The following ATP5F1C variants were observed in gnomAD, a reference collection of about 807,000 sequenced individuals.
ATP5F1C encodes ATP synthase F(1) complex subunit gamma, mitochondrial.
Under a neutral mutation model 37.4 loss-of-function variants are expected in ATP5F1C, and 22 were observed. The observed-to-expected ratio is 0.59, with a 90% CI of 0.42 to 0.84. The LOEUF (loss-of-function observed/expected upper bound fraction) is 0.84, where lower values mean the gene tolerates loss of function less well. Among genes scored for constraint, ATP5F1C ranks in the 40% least tolerant of loss-of-function variants. The probability of loss-of-function intolerance (pLI) is 0.00; values close to 1 mark genes in which losing one functional copy is unlikely to be tolerated. For synonymous variants in ATP5F1C, 121 were observed against 128.0 expected, an observed-to-expected ratio of 0.95 and a Z score of 0.37; for missense variants, 286 against 362.4, an observed-to-expected ratio of 0.79 and a Z score of 1.71.
chr10:7,789,522 T>C (rs1836123922), intron 1 of ATP5F1C, among the ~76,000 whole-genome samples: 1 of 152,160 alleles, frequency 6.6e-6, no homozygotes, highest in Admixed American at 6.5e-5. Context: ...TTGTATAGAT[T>C]GTCCCACTTG....
In ATP5F1C at chr10:7,807,568, A is replaced by G. The variant is rs565075422; in HGVS notation, c.*31-91A>G. On this transcript the variant is annotated intron_variant, in intron 9 of 9. Coordinates refer to ENST00000356708, the MANE Select transcript of ATP5F1C (RefSeq NM_001001973.3). ...TTATTGTGTAAATTCAGTTCTCTGT[A>G]CCCCACTTAAATATGTATTATTATC... 6.3e-6 allele frequency: 9 copies of G among 1,432,104 alleles called. No individual in the cohort carries two copies. The South Asian group carries it at 1.2e-4, about 19-fold the overall frequency. The allele number at this position is 1,432,104 out of a possible 1,614,324, so 88.7% of individuals were successfully genotyped here. A position where few individuals can be genotyped will look rare whatever the true frequency, so the allele number is the denominator to read the frequency against.
chr10:7,792,200 A>C (rs1836174369), intron 1 of ATP5F1C, among the ~76,000 whole-genome samples: 1 of 152,212 alleles, frequency 6.6e-6, no homozygotes, highest in South Asian at 2.1e-4. Flanking sequence ...GTGCTCTGAA[A>C]TAACAGAGCT....
chr10:7,796,230 A>G (rs1281261686), intron 2 of ATP5F1C, 75 bp downstream of exon 2: 1 of 1,316,758 alleles, frequency 7.6e-7, no homozygotes, highest in African/African-American at 1.5e-5. Flanking sequence ...TTTCAAAAAT[A>G]TACTGCTTTA....
chr10:7,791,394 C>T (rs909858784), intron 1 of ATP5F1C, among the ~76,000 whole-genome samples: 6 of 152,084 alleles, frequency 3.9e-5, no homozygotes, highest in East Asian at 1.9e-4. Context: ...GACTTTTACA[C>T]GCTTAATATC....
At chr10:7,801,250 C>T (rs1158954120) in intron 6 of ATP5F1C, among the ~76,000 whole-genome samples, 1 of 152,166 alleles carries the variant, frequency 6.6e-6, no homozygotes, top group Non-Finnish European at 1.5e-5. Context: ...TGAGATGGCT[C>T]TACCAGCCAA....
At position 7,791,308 on chromosome 10, in the gene ATP5F1C, A is replaced by C. The variant is rs2151012; in HGVS notation, c.56+3045A>C. On this transcript the variant is annotated intron_variant, in intron 1 of 9. Coordinates refer to ENST00000356708, the MANE Select transcript of ATP5F1C (RefSeq NM_001001973.3). ...AGTGAGACTCCATCTCAAAAACAAA[A>C]AAAAAAAGATGATGCAGTCATGGGT... Among the ~76,000 whole-genome samples the C allele has an allele frequency of 5.5e-3, 843 of 152,192 alleles. 8 individuals are homozygous for C. Among genetic ancestry groups the C allele is most frequent in the South Asian group, 0.024 (114 of 4,824 alleles).
chr10:7,788,816 A>G (rs1368251469), intron 1 of ATP5F1C, among the ~76,000 whole-genome samples: 2 of 151,804 alleles, frequency 1.3e-5, no homozygotes, highest in Admixed American at 1.3e-4. Flanking sequence ...GCAACAGCAA[A>G]GGCGAACATC....
intron 1 of ATP5F1C, among the ~76,000 whole-genome samples, chr10:7,790,540 A>G (rs1465303094): frequency 6.6e-6 from 1 of 152,258 alleles, no homozygotes; most frequent in Admixed American, 6.5e-5. Context: ...ATAACGTGTC[A>G]GTAGTCATAA....
At chr10:7,797,241 G>T in intron 3 of ATP5F1C, 63 bp downstream of exon 3, 1 of 1,586,004 alleles carries the variant, frequency 6.3e-7, no homozygotes, top group South Asian at 1.1e-5. Flanking sequence ...GACTACTGAT[G>T]ACTTACATTT....
chr10:7,800,179 G>T (rs1836328777), intron 6 of ATP5F1C, 88 bp downstream of exon 6: 2 of 1,299,666 alleles, frequency 1.5e-6, no homozygotes, highest in Admixed American at 3.6e-5. Flanking sequence ...GATATCTGGT[G>T]GTAGCTATAG....
chr10:7,790,789 C>G (rs1452807067), intron 1 of ATP5F1C, among the ~76,000 whole-genome samples: 2 of 152,100 alleles, frequency 1.3e-5, no homozygotes, highest in Non-Finnish European at 2.9e-5. Flanking sequence ...AGTGTCTGTC[C>G]CACCAGTTCC....
At chr10:7,797,300 T>A (rs1836259443) in intron 3 of ATP5F1C, 122 bp downstream of exon 3, 1 of 1,266,582 alleles carries the variant, frequency 7.9e-7, no homozygotes, top group African/African-American at 1.5e-5. Context: ...CATGTACTTA[T>A]TTTTCATCTA....
At chr10:7,796,391 T>A in intron 2 of ATP5F1C, 1 of 352,916 alleles carries the variant, frequency 2.8e-6, no homozygotes, top group Non-Finnish European at 5.2e-6. Context: ...CTAGAAAAAA[T>A]TATACCAGTG....
chr10:7,802,310 G>A lies in ATP5F1C; in HGVS notation c.678G>A (p.Leu226=), dbSNP rs758973065. The A allele has an allele frequency of 1.9e-6, 3 of 1,613,806 alleles. No homozygotes were observed. The highest frequency in any genetic ancestry group is 1.3e-5 in the African/African-American group (1 of 75,044). Residue 226 remains leucine (L), a synonymous_variant, in exon 7 of 10, where the codon CTG becomes CTA. Transcript: ENST00000356708. ...ATGACGATATTGATGCTGACGTGCT[G>A]CAAAATTACCAAGAATACAATCTGG... ...SIYDDIDADV[L]QNYQEYNLAN... is the part of the protein sequence containing the mutation.
Position 7,799,782 on chromosome 10 carries a change from G to A in ATP5F1C, c.439G>A (p.Asp147Asn). 6.2e-7 allele frequency: 1 copy of A among 1,614,032 alleles called. No homozygotes were observed. Among genetic ancestry groups the A allele is most frequent in the South Asian group, 1.1e-5 (1 of 91,058 alleles). ...TTGCTTTTCTTATAGGACTCATTCT[G>A]ACCAGTTTCTGGTGGCATTCAAAGA... ...IRGILYRTHSDQFLVAFKEVG... is the reference protein window; with the variant it reads ...IRGILYRTHSNQFLVAFKEVG... The change falls in exon 5 of 10, where the codon GAC (aspartate) becomes AAC (asparagine). Residue 147 changes from aspartate to asparagine, a missense_variant. Physicochemically the swap from Asp to Asn is conservative, Grantham distance 23. Transcript: ENST00000356708.
At chr10:7,805,909 A>C (rs1836470564) in intron 8 of ATP5F1C, among the ~76,000 whole-genome samples, 1 of 151,964 alleles carries the variant, frequency 6.6e-6, no homozygotes, top group African/African-American at 2.4e-5. Flanking sequence ...CAACATAGCA[A>C]GACCCCATCT....
At chr10:7,797,907 A>G (rs957812406) in intron 3 of ATP5F1C, among the ~76,000 whole-genome samples, 1 of 152,168 alleles carries the variant, frequency 6.6e-6, no homozygotes, top group African/African-American at 2.4e-5. Context: ...AAGAATTTAT[A>G]TTGTGTTTTT....
intron 8 of ATP5F1C, among the ~76,000 whole-genome samples, chr10:7,804,728 T>C (rs1836440708): frequency 1.3e-5 from 2 of 152,356 alleles, no homozygotes; most frequent in South Asian, 4.1e-4. Context: ...TGTGTCCCCA[T>C]TGCCTGGTAC....
At chr10:7,792,983 A>T (rs1422336661) in intron 1 of ATP5F1C, among the ~76,000 whole-genome samples, 1 of 152,180 alleles carries the variant, frequency 6.6e-6, no homozygotes, top group East Asian at 1.9e-4. Context: ...CCTCATCATC[A>T]TTTGCTGGTC....
Sources: gnomAD v4.1 joint callset for allele counts (sites outside exome capture counted in the v4.1 genomes callset) on GRCh38, gnomAD v4.1.1 for gene constraint, MANE v1.5 for transcripts, NCBI Gene and HGNC (gene_info 2026-07-23, HGNC 2026-07-21) for gene names.